The following USH2A variants were observed in gnomAD, a reference collection of about 807,000 sequenced individuals.
USH2A encodes Usher syndrome 2A (autosomal recessive, mild).
Under a neutral mutation model 538.9 loss-of-function variants are expected in USH2A, and 443 were observed. The observed-to-expected ratio is 0.82, with a 90% confidence interval of 0.76 to 0.89. The LOEUF (loss-of-function observed/expected upper bound fraction) is 0.89. USH2A is among the 40% of genes least tolerant of loss of function. USH2A has a pLI of 0.00. For synonymous variants in USH2A, 2,413 were observed against 2,273.5 expected (o/e 1.06, Z -1.75); for missense variants, 6,633 against 6,324.8 (o/e 1.05, Z -1.65).
chr1:215,631,253 G>T (rs539052647), intron 70 of USH2A, among the ~76,000 whole-genome samples: 5 of 146,400 alleles, frequency 3.4e-5, no homozygotes, highest in Admixed American at 2.0e-4. Flanking sequence ...TGTGTGGGTG[G>T]GTGTTGCAGG....
At chr1:216,328,170 G>A (rs1181982490) in intron 4 of USH2A, among the ~76,000 whole-genome samples, 2 of 152,024 alleles carry the variant, frequency 1.3e-5, no homozygotes, top group African/African-American at 4.8e-5. Context: ...AGGACTCATC[G>A]AAGACTTCCT....
intron 21 of USH2A, among the ~76,000 whole-genome samples, chr1:216,155,218 C>T (rs1307457625): frequency 6.6e-6 from 1 of 152,056 alleles, no homozygotes; most frequent in Non-Finnish European, 1.5e-5. Flanking sequence ...AACTAACCTC[C>T]TCCCTTCTCA....
chr1:216,029,899 T>G (rs915584059), intron 32 of USH2A, among the ~76,000 whole-genome samples: 3 of 150,906 alleles, frequency 2.0e-5, no homozygotes, highest in African/African-American at 7.3e-5. Context: ...CTATTCATGA[T>G]AGCAAAGACA....
At chr1:215,766,867 G>C in intron 55 of USH2A, 79 bp from the exon 56 acceptor site, 1 of 1,324,550 alleles carries the variant, frequency 7.5e-7, no homozygotes, top group Non-Finnish European at 1.1e-6. Flanking sequence ...GTAACATGCA[G>C]AGTTGTAGAT....
At chr1:215,974,665 G>A (rs1331319758) in intron 35 of USH2A, among the ~76,000 whole-genome samples, 1 of 152,080 alleles carries the variant, frequency 6.6e-6, no homozygotes, top group Non-Finnish European at 1.5e-5. Context: ...CAAAAGACAT[G>A]ATTTCAGGGT....
intron 9 of USH2A, among the ~76,000 whole-genome samples, chr1:216,306,426 T>C (rs2037318234): frequency 6.6e-6 from 1 of 152,200 alleles, no homozygotes; most frequent in Non-Finnish European, 1.5e-5. Flanking sequence ...TGTAACATTT[T>C]TGAAATTCCT....
chr1:215,723,010 C>A (rs941518371), intron 61 of USH2A, among the ~76,000 whole-genome samples: 1 of 152,154 alleles, frequency 6.6e-6, no homozygotes, highest in Non-Finnish European at 1.5e-5. Flanking sequence ...CCATGGAACT[C>A]CTGCATGCCA....
At chr1:215,931,215 C>A (rs1666354517) in intron 38 of USH2A, among the ~76,000 whole-genome samples, 1 of 151,956 alleles carries the variant, frequency 6.6e-6, no homozygotes, top group Admixed American at 6.6e-5. Flanking sequence ...ACTTTAATTT[C>A]TATCTTCAAA....
chr1:216,161,295 G>T (rs774292005), intron 21 of USH2A, among the ~76,000 whole-genome samples: 13 of 151,882 alleles, frequency 8.6e-5, no homozygotes, highest in African/African-American at 3.1e-4. Context: ...TCCTTTATCA[G>T]CTTAACCTGT....
At chr1:216,350,468 T>C (rs1443327969) in intron 4 of USH2A, among the ~76,000 whole-genome samples, 2 of 152,108 alleles carry the variant, frequency 1.3e-5, no homozygotes, top group African/African-American at 4.8e-5. Flanking sequence ...ACCTCCAAAG[T>C]ATAATTCAGA....
chr1:216,295,374 TTTAG>T (rs1410748589), intron 9 of USH2A, among the ~76,000 whole-genome samples: 1 of 151,592 alleles, frequency 6.6e-6, no homozygotes, highest in African/African-American at 2.4e-5. Context: ...TAAAAAAAAA[TTTAG>T]GAGTTTTACA....
At chr1:216,114,355 A>G (rs2032950845) in intron 21 of USH2A, among the ~76,000 whole-genome samples, 2 of 151,976 alleles carry the variant, frequency 1.3e-5, no homozygotes, top group African/African-American at 2.4e-5. Flanking sequence ...GTCATTACAC[A>G]TGGGTTATAT....
At chr1:215,856,691 C>T (rs2102430636) in intron 44 of USH2A, among the ~76,000 whole-genome samples, 1 of 152,142 alleles carries the variant, frequency 6.6e-6, no homozygotes, top group Non-Finnish European at 1.5e-5. Context: ...CAATCCTACT[C>T]CTGGGTATCT....
At chr1:215,862,431 G>T (rs147857583) in intron 44 of USH2A, among the ~76,000 whole-genome samples, 1,955 of 152,076 alleles carry the variant, frequency 0.013, 52 homozygotes, top group African/African-American at 0.045. Flanking sequence ...GGGGGAGTGG[G>T]GAGGGATAGC....
intron 21 of USH2A, among the ~76,000 whole-genome samples, chr1:216,140,537 T>C (rs1204873652): frequency 1.3e-5 from 2 of 152,194 alleles, no homozygotes; most frequent in African/African-American, 2.4e-5. Flanking sequence ...AGTAATTCAA[T>C]ATCCTCTCTC....
chr1:215,625,728 G>GA lies in USH2A; in HGVS notation c.*52dup. Reference sequence around the variant, plus strand: ...TGATGTGTGAGTGATAACCCAGGAGGAAATGGGTGCAGACCTTGCATTCCA... The same window carrying GA: ...TGATGTGTGAGTGATAACCCAGGAGGAAAATGGGTGCAGACCTTGCATTCCA... On this transcript the variant is annotated 3_prime_UTR_variant, in exon 72 of 72. Transcript: ENST00000307340. The GA allele has an allele frequency of 6.6e-7, 1 of 1,521,544 alleles. No homozygotes were observed. Among genetic ancestry groups the GA allele is most frequent in the Non-Finnish European group, 9.1e-7 (1 of 1,095,770 alleles). The allele number at this position is 1,521,544 out of a possible 1,614,324, so 94.3% of individuals were successfully genotyped here.
intron 61 of USH2A, among the ~76,000 whole-genome samples, chr1:215,722,324 T>C (rs1477983366): frequency 1.3e-5 from 2 of 152,176 alleles, no homozygotes; most frequent in Non-Finnish European, 2.9e-5. Flanking sequence ...TTCTGTTGTC[T>C]AATAAATGTG....
At chr1:216,340,620 C>A (rs1450374752) in intron 4 of USH2A, among the ~76,000 whole-genome samples, 1 of 151,672 alleles carries the variant, frequency 6.6e-6, no homozygotes, top group Non-Finnish European at 1.5e-5. Flanking sequence ...TACTGACAAA[C>A]CAAATCCAGC....
intron 11 of USH2A, among the ~76,000 whole-genome samples, chr1:216,257,744 C>G (rs774218854): frequency 1.4e-4 from 22 of 151,968 alleles, no homozygotes; most frequent in Non-Finnish European, 2.9e-4. Context: ...TACAAATGCT[C>G]TTTCAACTCT....
Sources: allele counts gnomAD v4.1 joint callset (sites outside exome capture counted in the v4.1 genomes callset), GRCh38; gene constraint gnomAD v4.1.1; transcripts MANE v1.5; gene names NCBI Gene and HGNC (gene_info 2026-07-23, HGNC 2026-07-21).